RNF128: variants seen among roughly 807,000 people sequenced by gnomAD.
RNF128 encodes the protein E3 ubiquitin-protein ligase RNF128.
Under a neutral mutation model 26.2 loss-of-function variants are expected in RNF128, and 13 were observed. That is an observed-to-expected ratio of 0.50 (90% confidence interval 0.32 to 0.79). The LOEUF is 0.79. RNF128 is among the 30% of genes least tolerant of loss of function. RNF128 has a pLI of 0.03. For synonymous variants in RNF128, 149 were observed against 142.5 expected (o/e 1.05, Z -0.32); for missense variants, 315 against 349.7 (o/e 0.90, Z 0.79).
chrX:106,717,164 C>T (rs1277823384), intron 1 of RNF128, among the ~76,000 whole-genome samples: 3 of 107,069 alleles, frequency 2.8e-5, no homozygotes, highest in Non-Finnish European at 5.8e-5. Flanking sequence ...GATCGCCTCA[C>T]TGCACTCAAG....
At chrX:106,702,801 A>G (rs1928981363) in intron 1 of RNF128, among the ~76,000 whole-genome samples, 1 of 111,972 alleles carries the variant, frequency 8.9e-6, no homozygotes, top group African/African-American at 3.2e-5. Context: ...GACCTTTGAC[A>G]GAACAGTGGA....
intron 6 of RNF128, among the ~76,000 whole-genome samples, chrX:106,794,280 T>A (rs1930877853): frequency 9.0e-6 from 1 of 111,479 alleles, no homozygotes; most frequent in East Asian, 2.8e-4. Flanking sequence ...TCAAGTTGGT[T>A]TTTGTGTTCT....
chrX:106,752,916 A>G (rs1395435255), intron 1 of RNF128, among the ~76,000 whole-genome samples: 1 of 111,410 alleles, frequency 9.0e-6, no homozygotes, highest in East Asian at 2.8e-4. Context: ...TGCAATTGAT[A>G]TACCGAAGAA....
intron 2 of RNF128, among the ~76,000 whole-genome samples, chrX:106,779,783 T>A (rs1170783071): frequency 9.0e-6 from 1 of 111,006 alleles, no homozygotes; most frequent in East Asian, 2.8e-4. Flanking sequence ...TAGGAAGCTG[T>A]TTTATAGCCT....
chrX:106,754,165 C>T (rs757074051), intron 1 of RNF128, among the ~76,000 whole-genome samples: 2 of 111,856 alleles, frequency 1.8e-5, no homozygotes, highest in Admixed American at 9.5e-5. Context: ...CTCTTTGGCA[C>T]GTGGATCATT....
At chrX:106,770,305 G>A (rs1341158719) in intron 1 of RNF128, among the ~76,000 whole-genome samples, 1 of 111,435 alleles carries the variant, frequency 9.0e-6, no homozygotes, top group Admixed American at 9.5e-5. Flanking sequence ...TTGCTAGATT[G>A]GGGAAGTTCT....
intron 3 of RNF128, among the ~76,000 whole-genome samples, chrX:106,787,251 A>G (rs1602392172): frequency 8.9e-6 from 1 of 111,820 alleles, no homozygotes; most frequent in South Asian, 3.7e-4. Context: ...ATGGTATACT[A>G]TTTAGCAATA....
intron 1 of RNF128, among the ~76,000 whole-genome samples, chrX:106,759,481 C>A (rs993113063): frequency 9.0e-6 from 1 of 111,364 alleles, no homozygotes; most frequent in South Asian, 3.8e-4. Context: ...ATGTCTACAC[C>A]CCCGTGTTTA....
chrX:106,715,089 G>A (rs187204869), intron 1 of RNF128, among the ~76,000 whole-genome samples: 1 of 111,834 alleles, frequency 8.9e-6, no homozygotes, highest in East Asian at 2.8e-4. Flanking sequence ...TGGTGAGTTG[G>A]ATGTTAGTTT....
chrX:106,697,145 T>C (rs1267732231), intron 1 of RNF128, among the ~76,000 whole-genome samples: 1 of 112,237 alleles, frequency 8.9e-6, no homozygotes, highest in Non-Finnish European at 1.9e-5. Flanking sequence ...TAAATAAACC[T>C]TTTTTGTAAG....
At position 106,787,943 on chromosome X, in the gene RNF128, G is replaced by A; in HGVS notation, c.830G>A (p.Cys277Tyr). Residue 277 changes from cysteine (C) to tyrosine (Y), a missense_variant, in exon 4 of 7, where the codon TGT becomes TAT. Physicochemically the swap from Cys to Tyr is radical, Grantham distance 194 (BLOSUM62 -2). Transcript: ENST00000255499. ...GAAATTGGCCCTGATGGAGATAGTT[G>A]TGCTGTGTGCATTGAATTGTATAAA... Reference protein sequence around the residue: ...DKEIGPDGDSCAVCIELYKPN... With the variant: ...DKEIGPDGDSYAVCIELYKPN... 8.4e-7 allele frequency: 1 copy of A among 1,193,092 alleles called. No individual in the cohort carries two copies. The highest frequency in any genetic ancestry group is 1.1e-6 in the Non-Finnish European group (1 of 886,769).
At chrX:106,698,856 T>C (rs1321941488) in intron 1 of RNF128, among the ~76,000 whole-genome samples, 1 of 111,438 alleles carries the variant, frequency 9.0e-6, no homozygotes, top group African/African-American at 3.3e-5. Context: ...TCTGGCCTAC[T>C]GCTGTGACCT....
intron 1 of RNF128, among the ~76,000 whole-genome samples, chrX:106,755,811 G>T (rs981821257): frequency 4.5e-5 from 5 of 110,778 alleles, no homozygotes; most frequent in African/African-American, 1.6e-4. Context: ...GTTTGCAGAT[G>T]ACATGATTGT....
intron 1 of RNF128, among the ~76,000 whole-genome samples, chrX:106,735,469 T>C (rs917643451): frequency 2.7e-5 from 3 of 111,999 alleles, no homozygotes; most frequent in African/African-American, 9.7e-5. Flanking sequence ...ACCATAATGT[T>C]AATATTGTTG....
intron 1 of RNF128, among the ~76,000 whole-genome samples, chrX:106,740,212 C>CTGTTGT (rs762720173): frequency 1.1e-4 from 12 of 111,278 alleles, no homozygotes; most frequent in Middle Eastern, 4.6e-3. Flanking sequence ...TTTTTAGCCT[C>CTGTTGT]TGTTGTTGTT....
chrX:106,758,605 A>G (rs1930066906), intron 1 of RNF128, among the ~76,000 whole-genome samples: 1 of 111,498 alleles, frequency 9.0e-6, no homozygotes, highest in South Asian at 3.7e-4. Flanking sequence ...AAGAAAAATA[A>G]TAGAGAATTC....
At chrX:106,752,652 A>G (rs1277846623) in intron 1 of RNF128, among the ~76,000 whole-genome samples, 6 of 112,234 alleles carry the variant, frequency 5.3e-5, no homozygotes, top group African/African-American at 1.9e-4. Context: ...CACAAGCACC[A>G]AGAAATATCC....
intron 1 of RNF128, among the ~76,000 whole-genome samples, chrX:106,741,388 C>A: frequency 9.0e-6 from 1 of 111,295 alleles, no homozygotes; most frequent in South Asian, 3.8e-4. Flanking sequence ...GCATGTGTAC[C>A]AGCATCTGAA....
intron 1 of RNF128, among the ~76,000 whole-genome samples, chrX:106,739,255 G>A (rs984495870): frequency 1.8e-5 from 2 of 110,228 alleles, no homozygotes; most frequent in African/African-American, 6.6e-5. Context: ...TACATCCCGG[G>A]TTCAAGCGAT....
Sources: allele counts gnomAD v4.1 joint callset (sites outside exome capture counted in the v4.1 genomes callset), GRCh38; gene constraint gnomAD v4.1.1; transcripts MANE v1.5; gene names NCBI Gene and HGNC (gene_info 2026-07-23, HGNC 2026-07-21).